Variants in CYLD observed in about 807,000 individuals in gnomAD.
CYLD encodes CYLD lysine 63 deubiquitinase.
In CYLD, 26 loss-of-function variants were observed where a neutral mutation model predicts 104.5. The observed-to-expected ratio is 0.25, with a 90% CI of 0.18 to 0.35. The LOEUF (loss-of-function observed/expected upper bound fraction) is 0.35. Among genes scored for constraint, CYLD ranks in the 10% least tolerant of loss-of-function variants. CYLD has a pLI of 1.00. For synonymous variants in CYLD, 385 were observed against 399.9 expected (o/e 0.96, Z 0.45); for missense variants, 703 against 1,136.1 (o/e 0.62, Z 5.48).
Position 50,799,364 on chromosome 16 carries a change from T to C in CYLD, c.*2856T>C, listed in dbSNP as rs778856255. 2.4e-4 allele frequency: 57 copies of C among 233,500 alleles called. No individual in the cohort carries two copies. Among genetic ancestry groups the C allele is most frequent in the Non-Finnish European group, 4.2e-4 (50 of 118,014 alleles). The allele number at this position is 233,500 out of a possible 1,614,324, so 14.5% of individuals were successfully genotyped here. A position where few individuals can be genotyped will look rare whatever the true frequency, so the allele number is the denominator to read the frequency against. ...GGAAGGAGAGCAGTGTTATCATACA[T>C]AGAGAGGCTAAATGTGTCCCATCCC... On this transcript the variant is annotated 3_prime_UTR_variant, in exon 19 of 19. Coordinates refer to ENST00000427738, the MANE Select transcript of CYLD (RefSeq NM_001378743.1).
intron 5 of CYLD, 103 bp downstream of exon 5, chr16:50,754,527 C>T: frequency 1.3e-6 from 1 of 781,792 alleles, no homozygotes; most frequent in Non-Finnish European, 2.1e-6. Flanking sequence ...TGTTTGGTTA[C>T]ATGGATAAGT....
chr16:50,772,239 TC>T (rs1197770741), intron 5 of CYLD, among the ~76,000 whole-genome samples: 1 of 152,200 alleles, frequency 6.6e-6, no homozygotes, highest in Non-Finnish European at 1.5e-5. Context: ...TTTTTTTATC[TC>T]TAAGTATGGG....
At chr16:50,751,575 AT>A in intron 3 of CYLD, 28 bp from the exon 4 acceptor site, 3 of 1,608,898 alleles carry the variant, frequency 1.9e-6, no homozygotes, top group Non-Finnish European at 2.6e-6. Flanking sequence ...TTCTATATCT[AT>A]TTCTTTCCCT....
chr16:50,783,526 C>A (rs1970484454), intron 11 of CYLD, among the ~76,000 whole-genome samples: 1 of 151,964 alleles, frequency 6.6e-6, no homozygotes, highest in Non-Finnish European at 1.5e-5. Flanking sequence ...TTGATAACAG[C>A]AAGTTACTGC....
At position 50,751,606 on chromosome 16, in the gene CYLD, A is replaced by G. The variant is rs986490098; in HGVS notation, c.507A>G (p.Glu169=). ...TTCCCTTCTCTCTTAAAAACTAGGA[A>G]GAAGGTCGTGGTCAAGGTTTCACTG... ...SGIFFGVELL[E]EGRGQGFTDG... The change falls in exon 4 of 19, where the codon GAA becomes GAG. Residue 169 remains glutamate (E), a splice_region_variant and synonymous_variant. Coordinates refer to ENST00000427738, the MANE Select transcript of CYLD (RefSeq NM_001378743.1). 1.5e-5 allele frequency: 24 copies of G among 1,613,532 alleles called. No homozygotes were observed. The highest frequency in any genetic ancestry group is 2.2e-5 in the East Asian group (1 of 44,858).
At chr16:50,768,545 A>G (rs1746098803) in intron 5 of CYLD, among the ~76,000 whole-genome samples, 1 of 152,228 alleles carries the variant, frequency 6.6e-6, no homozygotes. Context: ...CTTCTGAAGG[A>G]TACCTTTGAT....
chr16:50,790,058 A>G (rs1971277966), intron 14 of CYLD, among the ~76,000 whole-genome samples: 1 of 152,204 alleles, frequency 6.6e-6, no homozygotes, highest in African/African-American at 2.4e-5. Context: ...GGAGTTCCAG[A>G]AGGAGATACT....
At chr16:50,752,227 A>G (rs921294639) in intron 4 of CYLD, among the ~76,000 whole-genome samples, 1 of 151,440 alleles carries the variant, frequency 6.6e-6, no homozygotes, top group African/African-American at 2.4e-5. Flanking sequence ...AATGTTCTCT[A>G]TCTTTAAATT....
chr16:50,788,848 AC>A (rs1348690904), intron 14 of CYLD, among the ~76,000 whole-genome samples: 1 of 152,250 alleles, frequency 6.6e-6, no homozygotes, highest in Non-Finnish European at 1.5e-5. Flanking sequence ...AGTATAAAAT[AC>A]CAAGAAATCA....
chr16:50,779,536 T>G, intron 8 of CYLD, 129 bp from the exon 9 acceptor site: 1 of 803,344 alleles, frequency 1.2e-6, no homozygotes, highest in Non-Finnish European at 2.0e-6. Flanking sequence ...TTGTGATGCC[T>G]ATGAGAGTAC....
intron 12 of CYLD, 68 bp from the exon 13 acceptor site, chr16:50,786,787 A>G (rs1385694681): frequency 2.6e-6 from 3 of 1,138,706 alleles, no homozygotes; most frequent in African/African-American, 1.6e-5. Context: ...AAAAAGAAAT[A>G]TGTGATTAAG....
At chr16:50,742,438 T>G (rs1965773068) in intron 1 of CYLD, 2 of 204,398 alleles carry the variant, frequency 9.8e-6, no homozygotes, top group East Asian at 1.0e-4. Flanking sequence ...CCCCCGAGGC[T>G]TCCCGGGAGG....
At chr16:50,780,136 T>C (rs1160434576) in intron 9 of CYLD, 92 bp downstream of exon 9, 33 of 1,448,332 alleles carry the variant, frequency 2.3e-5, no homozygotes, top group Non-Finnish European at 2.7e-5. Context: ...CAAACTGTTA[T>C]ATTTGTCAGA....
At chr16:50,753,364 G>C (rs1465832566) in intron 4 of CYLD, among the ~76,000 whole-genome samples, 1 of 152,174 alleles carries the variant, frequency 6.6e-6, no homozygotes, top group Non-Finnish European at 1.5e-5. Flanking sequence ...GTCTCCCCTT[G>C]CATCAGGCTC....
chr16:50,784,329 C>T lies in CYLD; in HGVS notation c.1827C>T (p.Cys609=). The T allele has an allele frequency of 6.2e-7, 1 of 1,613,174 alleles. No homozygotes were observed. Among genetic ancestry groups the T allele is most frequent in the East Asian group, 2.2e-5 (1 of 44,748 alleles). The change falls in exon 12 of 19, where the codon TGC becomes TGT. Residue 609 remains cysteine, a splice_region_variant and synonymous_variant. Coordinates refer to ENST00000427738, the MANE Select transcript of CYLD (RefSeq NM_001378743.1). ...GAAAATTATCCTTTTTCTTTTGCAG[C>T]TTATTTGCTTTTAGTTCTGTTCTGG... ...NSCYLDSTLF[C]LFAFSSVLDT...
chr16:50,796,854 A>G lies in CYLD; in HGVS notation c.*346A>G. 5.5e-6 allele frequency: 2 copies of G among 361,746 alleles called. No homozygotes were observed. The highest frequency in any genetic ancestry group is 3.5e-5 in the South Asian group (1 of 28,238). 22.4% of individuals were successfully genotyped at this position (361,746 alleles called of 1,614,324 possible). ...TTAAAGCCTCTTTTAGTCCATTGAG[A>G]ATGTAAATAAATGTGTCTTCTTTAT... is the stretch of plus-strand genomic sequence containing the variant. On this transcript the variant is annotated 3_prime_UTR_variant, in exon 19 of 19. Coordinates refer to ENST00000427738, the MANE Select transcript of CYLD (RefSeq NM_001378743.1).
At chr16:50,748,956 C>T (rs528655245) in intron 2 of CYLD, among the ~76,000 whole-genome samples, 10 of 152,284 alleles carry the variant, frequency 6.6e-5, no homozygotes, top group African/African-American at 2.2e-4. Flanking sequence ...AATCCCAGTG[C>T]GTTGGGAGGC....
In CYLD at chr16:50,755,201, G is replaced by GTGTGTGTATATACACACGTGTACATA. The variant is rs1358084519; in HGVS notation, c.913+795_913+820dup. ...TGTGTATATACACACGTGTACATATGTGTGTGTATATACACACGTGTACAT... is the reference window on the plus strand; with the variant it reads ...TGTGTATATACACACGTGTACATATGTGTGTGTATATACACACGTGTACATATGTGTGTATATACACACGTGTACAT... On this transcript the variant is annotated intron_variant, in intron 5 of 18. Coordinates refer to ENST00000427738, the MANE Select transcript of CYLD (RefSeq NM_001378743.1). 7.1e-3 allele frequency among the ~76,000 whole-genome samples: 628 copies of GTGTGTGTATATACACACGTGTACATA among 88,252 alleles called. 5 individuals carry two copies. Among genetic ancestry groups the GTGTGTGTATATACACACGTGTACATA allele is most frequent in the Middle Eastern group, 0.013 (2 of 158 alleles). The allele number at this position is 88,252 out of a possible 152,430, so 57.9% of individuals were successfully genotyped here.
chr16:50,760,387 C>G (rs1042458215), intron 5 of CYLD, among the ~76,000 whole-genome samples: 4 of 152,112 alleles, frequency 2.6e-5, no homozygotes, highest in African/African-American at 9.7e-5. Flanking sequence ...TAAAATATCT[C>G]ATTTCCATTT....
Sources: gnomAD v4.1 joint callset for allele counts (sites outside exome capture counted in the v4.1 genomes callset) on GRCh38, gnomAD v4.1.1 for gene constraint, MANE v1.5 for transcripts, NCBI Gene and HGNC (gene_info 2026-07-23, HGNC 2026-07-21) for gene names.